The following SYT12 variants were observed in gnomAD, a reference collection of about 807,000 sequenced individuals.
The protein encoded by SYT12 is synaptotagmin-12.
Under a neutral mutation model 39.5 loss-of-function variants are expected in SYT12, and 27 were observed. That is an observed-to-expected ratio of 0.68 (90% confidence interval 0.50 to 0.94). The LOEUF (loss-of-function observed/expected upper bound fraction) is 0.94, where lower values mean the gene tolerates loss of function less well. Ranked by LOEUF, SYT12 falls within the 40% of genes least tolerant of loss-of-function variation. The pLI, the probability that SYT12 is intolerant of heterozygous loss-of-function variation, is 0.00. For missense variants in SYT12, 536 were observed against 572.6 expected (o/e 0.94, Z 0.65); for synonymous variants, 233 against 239.7 (o/e 0.97, Z 0.26).
intron 3 of SYT12, among the ~76,000 whole-genome samples, chr11:67,014,009 C>T (rs565080800): frequency 3.9e-5 from 6 of 152,294 alleles, no homozygotes; most frequent in South Asian, 2.1e-4. Flanking sequence ...CCCCTGCCTC[C>T]GTCTCCACGT....
rs1172307451 is a variant in SYT12, at chr11:67,035,790, TTTCCTTCCTTCC to T, written c.228+991_228+1002del. Among the ~76,000 whole-genome samples, 42 of 73,224 alleles carry T rather than the reference TTTCCTTCCTTCC, an allele frequency of 5.7e-4. 1 individual carries two copies. The highest frequency in any genetic ancestry group is 2.3e-3 in the African/African-American group (39 of 16,776). The allele number at this position is 73,224 out of a possible 152,430, so 48.0% of individuals were successfully genotyped here. On this transcript the variant is annotated intron_variant, in intron 3 of 7. Transcript: ENST00000527043. ...CTTTCTTTTCTTTTCTTTTCTTTTCTTTCCTTCCTTCCTTCCTTCCTTCCTTCCTTCCTTCCT... is the reference window on the plus strand; with the variant it reads ...CTTTCTTTTCTTTTCTTTTCTTTTCTTTCCTTCCTTCCTTCCTTCCTTCCT...
intron 3 of SYT12, among the ~76,000 whole-genome samples, chr11:67,039,157 G>T (rs554496424): frequency 1.3e-5 from 2 of 151,264 alleles, no homozygotes; most frequent in African/African-American, 4.9e-5. Flanking sequence ...TACAAAATTA[G>T]CCGGGCGTGG....
chr11:67,024,111 C>G (rs1223364114), intron 1 of SYT12, among the ~76,000 whole-genome samples: 2 of 152,118 alleles, frequency 1.3e-5, no homozygotes, highest in African/African-American at 4.8e-5. Flanking sequence ...GGCCGGGAGC[C>G]TGGCCTGTGG....
chr11:67,038,883 A>T (rs1950439514), intron 3 of SYT12, among the ~76,000 whole-genome samples: 1 of 151,990 alleles, frequency 6.6e-6, no homozygotes, highest in African/African-American at 2.4e-5. Context: ...GCTACTTGGG[A>T]GGCTGAGGCA....
rs550413298 is a variant in SYT12 at position 67,028,230 on chromosome 11, TG to T, written c.-23-1891del. 5 of 152,302 alleles carry T rather than the reference TG, an allele frequency of 3.3e-5. No homozygotes were observed. In the South Asian group the frequency reaches 1.0e-3, roughly 32 times the overall value. The allele number at this position is 152,302 out of a possible 1,614,324, so 9.4% of individuals were successfully genotyped here. ...AATGCAAAGTGCTTAGAATGGCGCT[TG>T]ATGTGTAAGAAGGGCTCGACAAGGT... On this transcript the variant is annotated intron_variant, in intron 1 of 7. Transcript: ENST00000527043.
chr11:67,040,341 C>G (rs1033221270), intron 4 of SYT12, 138 bp downstream of exon 4: 1 of 1,247,674 alleles, frequency 8.0e-7, no homozygotes, highest in African/African-American at 1.5e-5. Flanking sequence ...AGAGCTGAAG[C>G]TTCAGACTGT....
At chr11:67,030,858 T>C (rs1216999870) in intron 2 of SYT12, 1 of 152,332 alleles carries the variant, frequency 6.6e-6, no homozygotes, top group Admixed American at 6.5e-5. Context: ...AGCCGTCTTT[T>C]CTCCCTTTGT....
chr11:67,020,765 G>C (rs947402310), upstream of SYT12, among the ~76,000 whole-genome samples: 1 of 152,140 alleles, frequency 6.6e-6, no homozygotes, highest in Non-Finnish European at 1.5e-5. Flanking sequence ...CGGAGTCTCT[G>C]TCGCCCAGGC....
intron 7 of SYT12, among the ~76,000 whole-genome samples, chr11:67,046,423 T>A (rs929135694): frequency 1.3e-5 from 2 of 152,170 alleles, no homozygotes; most frequent in African/African-American, 4.8e-5. Flanking sequence ...CGCACCACCT[T>A]CCCTCACTAT....
intron 3 of SYT12, 98 bp from the exon 4 acceptor site, chr11:67,039,713 T>C (rs768767262): frequency 7.1e-7 from 1 of 1,416,828 alleles, no homozygotes; most frequent in Admixed American, 2.3e-5. Context: ...AACTTGGAGA[T>C]TCGAGAATGA....
At chr11:67,047,487 C>T (rs535417402) in intron 7 of SYT12, among the ~76,000 whole-genome samples, 30 of 148,412 alleles carry the variant, frequency 2.0e-4, no homozygotes, top group Non-Finnish European at 7.4e-5. Context: ...AGGCTGGTCT[C>T]GAACTCCCAG....
intron 1 of SYT12, chr11:67,027,616 G>A (rs968012047): frequency 6.6e-6 from 1 of 152,190 alleles, no homozygotes; most frequent in Non-Finnish European, 1.5e-5. Context: ...GTTAAAGGGA[G>A]AGGAAAGAAC....
intron 2 of SYT12, among the ~76,000 whole-genome samples, chr11:67,033,069 C>A (rs954508457): frequency 3.3e-5 from 5 of 152,244 alleles, no homozygotes; most frequent in Admixed American, 2.0e-4. Flanking sequence ...GGGGCTGCCC[C>A]ACTGTGTGAT....
intron 3 of SYT12, among the ~76,000 whole-genome samples, chr11:67,016,924 A>G (rs1403875167): frequency 6.6e-6 from 1 of 152,236 alleles, no homozygotes; most frequent in Non-Finnish European, 1.5e-5. Context: ...TGAGGATTAC[A>G]TGAGGTCGTA....
chr11:67,030,254 T>A, intron 2 of SYT12, 76 bp downstream of exon 2: 1 of 1,532,674 alleles, frequency 6.5e-7, no homozygotes. Flanking sequence ...GAGGTGTCTG[T>A]GGGACATGAA....
chr11:67,045,330 C>T (rs1333019105), intron 6 of SYT12, among the ~76,000 whole-genome samples: 3 of 152,164 alleles, frequency 2.0e-5, no homozygotes, highest in South Asian at 2.1e-4. Flanking sequence ...AAGGACACCC[C>T]GTGGGCAATA....
chr11:67,020,264 C>T (rs944583555), upstream of SYT12, among the ~76,000 whole-genome samples: 1 of 152,058 alleles, frequency 6.6e-6, no homozygotes, highest in African/African-American at 2.4e-5. Context: ...GTCCCTGAGG[C>T]GGAGAATGGC....
At chr11:67,024,823 T>A (rs1269552729) in intron 1 of SYT12, among the ~76,000 whole-genome samples, 1 of 152,116 alleles carries the variant, frequency 6.6e-6, no homozygotes, top group Admixed American at 6.5e-5. Flanking sequence ...TGGGCCCAAC[T>A]CCCGACCCTT....
chr11:67,007,862 G>A (rs1157629752), intron 1 of SYT12, among the ~76,000 whole-genome samples: 5 of 151,510 alleles, frequency 3.3e-5, no homozygotes, highest in East Asian at 3.9e-4. Context: ...CTGCACCCGG[G>A]CCTATTTTTT....
Sources: allele counts gnomAD v4.1 joint callset (sites outside exome capture counted in the v4.1 genomes callset), GRCh38; gene constraint gnomAD v4.1.1; transcripts MANE v1.5; gene names NCBI Gene and HGNC (gene_info 2026-07-23, HGNC 2026-07-21).